YAF2: variants seen among roughly 807,000 people sequenced by gnomAD.
The protein encoded by YAF2 is YY1 associated factor 2.
YAF2 carries 7 observed loss-of-function variants against 20.1 expected under a neutral mutation model. The ratio of observed to expected loss-of-function variants is 0.35; its 90% confidence interval spans 0.20 to 0.65. YAF2 has a LOEUF of 0.65. Among genes scored for constraint, YAF2 ranks in the 30% least tolerant of loss-of-function variants. The probability of loss-of-function intolerance (pLI) is 0.69; values close to 1 mark genes in which losing one functional copy is unlikely to be tolerated. For synonymous variants in YAF2, 74 were observed against 76.0 expected, an observed-to-expected ratio of 0.97 and a Z score of 0.14; for missense variants, 151 against 219.2, an observed-to-expected ratio of 0.69 and a Z score of 1.96.
chr12:42,227,767 C>G (rs2067780534), intron 2 of YAF2, among the ~76,000 whole-genome samples: 2 of 149,774 alleles, frequency 1.3e-5, no homozygotes, highest in South Asian at 4.2e-4. Flanking sequence ...AGCCCCCCGC[C>G]TGGCCAGCGT....
chr12:42,221,917 T>C (rs1243603311), intron 2 of YAF2, among the ~76,000 whole-genome samples: 3 of 152,200 alleles, frequency 2.0e-5, no homozygotes, highest in Non-Finnish European at 4.4e-5. Flanking sequence ...ATCATTAAGG[T>C]TTCAAGTAAT....
intron 2 of YAF2, among the ~76,000 whole-genome samples, chr12:42,185,918 G>T (rs1235386285): frequency 1.3e-5 from 2 of 152,086 alleles, no homozygotes; most frequent in Non-Finnish European, 2.9e-5. Flanking sequence ...AGTCAGGCTG[G>T]GCCGGGCACA....
intron 2 of YAF2, among the ~76,000 whole-genome samples, chr12:42,224,663 TG>T (rs1291596526): frequency 2.6e-5 from 4 of 152,124 alleles, no homozygotes; most frequent in Non-Finnish European, 5.9e-5. Context: ...GTGCTGTAAA[TG>T]ATGGTTTCCA....
At chr12:42,193,595 C>T (rs773113233) in intron 2 of YAF2, among the ~76,000 whole-genome samples, 3 of 152,090 alleles carry the variant, frequency 2.0e-5, no homozygotes, top group Non-Finnish European at 4.4e-5. Context: ...CTGCCTTGAC[C>T]TCCTGGGCTC....
At chr12:42,177,200 G>T (rs2066218138) in intron 2 of YAF2, among the ~76,000 whole-genome samples, 2 of 152,056 alleles carry the variant, frequency 1.3e-5, no homozygotes, top group African/African-American at 4.8e-5. Context: ...TGTGATATAG[G>T]CTCTTCCTAT....
At chr12:42,216,433 C>G (rs2067359745) in intron 2 of YAF2, among the ~76,000 whole-genome samples, 1 of 152,108 alleles carries the variant, frequency 6.6e-6, no homozygotes, top group African/African-American at 2.4e-5. Flanking sequence ...ATATCCTCTT[C>G]CCTCTGTTTC....
chr12:42,217,909 G>A (rs552710347), intron 2 of YAF2, among the ~76,000 whole-genome samples: 1 of 152,084 alleles, frequency 6.6e-6, no homozygotes, highest in Non-Finnish European at 1.5e-5. Context: ...TGAAATTGTG[G>A]AGGATGGGGA....
In YAF2 at chr12:42,160,528, G is replaced by T; in HGVS notation, c.*61C>A. On this transcript the variant is annotated 3_prime_UTR_variant, in exon 4 of 4. Coordinates refer to ENST00000534854, the MANE Select transcript of YAF2 (RefSeq NM_005748.6). ...TGTCATGAAAATGTGGTACCTCTTG[G>T]CATAATCTGTGTATTTGCATGGTAG... 1 of 1,282,272 alleles carries T rather than the reference G, an allele frequency of 7.8e-7. No homozygotes were observed. Among genetic ancestry groups the T allele is most frequent in the Non-Finnish European group, 1.1e-6 (1 of 897,696 alleles). 79.4% of individuals were successfully genotyped at this position (1,282,272 alleles called of 1,614,324 possible).
At chr12:42,226,094 T>A (rs905583541) in intron 2 of YAF2, among the ~76,000 whole-genome samples, 3 of 152,214 alleles carry the variant, frequency 2.0e-5, no homozygotes, top group African/African-American at 7.2e-5. Flanking sequence ...GTCCTTCACA[T>A]CCCTTGTAAG....
At chr12:42,210,497 G>C (rs1166896828) in intron 2 of YAF2, 3 of 1,535,882 alleles carry the variant, frequency 2.0e-6, no homozygotes, top group Non-Finnish European at 2.6e-6. Flanking sequence ...AGAAAGTTTG[G>C]GGGAGGGGAT....
chr12:42,233,293 C>G, intron 2 of YAF2: 1 of 985,304 alleles, frequency 1.0e-6, no homozygotes, highest in Non-Finnish European at 1.2e-6. Flanking sequence ...CATTTGAAAG[C>G]CTGGTATGAA....
At chr12:42,196,803 C>T (rs1368619309) in intron 2 of YAF2, among the ~76,000 whole-genome samples, 1 of 152,082 alleles carries the variant, frequency 6.6e-6, no homozygotes, top group Admixed American at 6.6e-5. Flanking sequence ...AAACATGGTG[C>T]AGGCTAACAT....
intron 2 of YAF2, among the ~76,000 whole-genome samples, chr12:42,191,501 A>C (rs2066611392): frequency 6.6e-6 from 1 of 152,144 alleles, no homozygotes; most frequent in African/African-American, 2.4e-5. Flanking sequence ...ATTTAATCTA[A>C]TGTAAATCTT....
intron 2 of YAF2, chr12:42,236,065 G>A: frequency 3.3e-6 from 5 of 1,510,194 alleles, no homozygotes; most frequent in Admixed American, 2.1e-5. Flanking sequence ...AATAGAGAGG[G>A]AACAACAAAA....
At chr12:42,184,605 C>T (rs753290498) in intron 2 of YAF2, among the ~76,000 whole-genome samples, 3 of 152,256 alleles carry the variant, frequency 2.0e-5, no homozygotes, top group East Asian at 3.9e-4. Context: ...CCACCACGCC[C>T]GACCCTCAAG....
intron 2 of YAF2, chr12:42,210,809 A>G: frequency 1.3e-6 from 1 of 781,634 alleles, no homozygotes; most frequent in Non-Finnish European, 1.9e-6. Flanking sequence ...ACAATTTGCT[A>G]AATATAATGT....
intron 2 of YAF2, among the ~76,000 whole-genome samples, chr12:42,230,431 A>G (rs2067952077): frequency 6.6e-6 from 1 of 152,172 alleles, no homozygotes; most frequent in Admixed American, 6.5e-5. Flanking sequence ...CTTGAACACT[A>G]TCCTAAGGAT....
intron 2 of YAF2, among the ~76,000 whole-genome samples, chr12:42,208,245 G>A (rs746325186): frequency 9.9e-5 from 15 of 152,032 alleles, no homozygotes; most frequent in Non-Finnish European, 1.9e-4. Flanking sequence ...CTAACATGGT[G>A]AAATCCTGTC....
chr12:42,234,647 G>T (rs1396626928), intron 2 of YAF2: 8 of 984,460 alleles, frequency 8.1e-6, no homozygotes, highest in Non-Finnish European at 9.6e-6. Flanking sequence ...GTTGCATAAA[G>T]AATTTGAACT....
Sources: gnomAD v4.1 joint callset for allele counts (sites outside exome capture counted in the v4.1 genomes callset) on GRCh38, gnomAD v4.1.1 for gene constraint, MANE v1.5 for transcripts, NCBI Gene and HGNC (gene_info 2026-07-23, HGNC 2026-07-21) for gene names.